The following TAFA4 variants were observed in gnomAD, a reference collection of about 807,000 sequenced individuals.
TAFA4 encodes the protein chemokine-like protein TAFA-4.
TAFA4 carries 20 observed loss-of-function variants against 21.1 expected under a neutral mutation model. The ratio of observed to expected loss-of-function variants is 0.95; its 90% confidence interval spans 0.67 to 1.38. TAFA4 has a LOEUF of 1.38. TAFA4 is among the 40% of genes most tolerant of loss of function. TAFA4 has a pLI of 0.00. For synonymous variants in TAFA4, 71 were observed against 67.4 expected, an observed-to-expected ratio of 1.05 and a Z score of -0.26; for missense variants, 211 against 180.9, an observed-to-expected ratio of 1.17 and a Z score of -0.95.
At chr3:68,790,950 C>T (rs561345126) in intron 3 of TAFA4, among the ~76,000 whole-genome samples, 4 of 152,188 alleles carry the variant, frequency 2.6e-5, no homozygotes, top group South Asian at 2.1e-4. Context: ...ATAAGGCAAA[C>T]GTGGATGGAT....
intron 5 of TAFA4, among the ~76,000 whole-genome samples, chr3:68,734,739 C>T (rs1056574159): frequency 1.3e-5 from 2 of 152,008 alleles, no homozygotes; most frequent in African/African-American, 4.8e-5. Flanking sequence ...AGTACCTGCC[C>T]CCGTCAAAGA....
chr3:68,764,575 CTG>C (rs1702813339), intron 3 of TAFA4, among the ~76,000 whole-genome samples: 1 of 152,162 alleles, frequency 6.6e-6, no homozygotes, highest in African/African-American at 2.4e-5. Flanking sequence ...GAGTCTCTCT[CTG>C]TGTGCTTATA....
intron 4 of TAFA4, among the ~76,000 whole-genome samples, chr3:68,741,198 G>T (rs1329958142): frequency 2.0e-5 from 3 of 152,252 alleles, no homozygotes; most frequent in South Asian, 4.1e-4. Flanking sequence ...CTGGAATTTT[G>T]TTAGGGATTG....
Position 68,731,959 on chromosome 3 carries a change from T to C in TAFA4, c.*1183A>G, listed in dbSNP as rs1291817517. 2 of 152,230 alleles carry C rather than the reference T, an allele frequency of 1.3e-5. No individual in the cohort carries two copies. Among genetic ancestry groups the C allele is most frequent in the Non-Finnish European group, 2.9e-5 (2 of 68,030 alleles). The allele number at this position is 152,230 out of a possible 1,614,324, so 9.4% of individuals were successfully genotyped here. A position where few individuals can be genotyped will look rare whatever the true frequency, so the allele number is the denominator to read the frequency against. ...GAAAGGACAGGGATAATTAACTTGGTGCAGAAACTATGTTTTTGGCATTTC... is the reference window on the plus strand; with the variant it reads ...GAAAGGACAGGGATAATTAACTTGGCGCAGAAACTATGTTTTTGGCATTTC... On this transcript the variant is annotated 3_prime_UTR_variant, in exon 6 of 6. Coordinates refer to ENST00000295569, the MANE Select transcript of TAFA4 (RefSeq NM_182522.5).
chr3:68,869,852 T>C (rs2089463343), intron 3 of TAFA4, among the ~76,000 whole-genome samples: 1 of 152,058 alleles, frequency 6.6e-6, no homozygotes, highest in African/African-American at 2.4e-5. Flanking sequence ...TTTGAAGTTC[T>C]AGCCACAGCA....
chr3:68,759,937 T>TACAGCATA (rs1323039244), intron 3 of TAFA4, among the ~76,000 whole-genome samples: 2 of 152,210 alleles, frequency 1.3e-5, no homozygotes, highest in Non-Finnish European at 2.9e-5. Context: ...AACTCTTACG[T>TACAGCATA]ACAGCATACT....
intron 3 of TAFA4, among the ~76,000 whole-genome samples, chr3:68,815,936 C>T (rs1703964772): frequency 6.6e-6 from 1 of 152,108 alleles, no homozygotes; most frequent in Non-Finnish European, 1.5e-5. Context: ...CAATGATAGA[C>T]TGGATTAAGA....
intron 1 of TAFA4, among the ~76,000 whole-genome samples, chr3:68,886,071 A>G (rs1033249208): frequency 6.6e-6 from 1 of 152,214 alleles, no homozygotes; most frequent in Non-Finnish European, 1.5e-5. Flanking sequence ...AAAAATTATG[A>G]TATGTGTTAA....
At chr3:68,862,313 G>A (rs1262904369) in intron 3 of TAFA4, among the ~76,000 whole-genome samples, 2 of 152,066 alleles carry the variant, frequency 1.3e-5, no homozygotes, top group Non-Finnish European at 2.9e-5. Flanking sequence ...AAATTCATAG[G>A]ACTGAAAAGG....
intron 4 of TAFA4, among the ~76,000 whole-genome samples, chr3:68,751,524 G>A (rs1702556555): frequency 6.6e-6 from 1 of 152,152 alleles, no homozygotes; most frequent in Non-Finnish European, 1.5e-5. Context: ...TCCCCAGCTG[G>A]AGATATACAG....
intron 3 of TAFA4, among the ~76,000 whole-genome samples, chr3:68,856,116 G>A (rs1185555319): frequency 6.6e-6 from 1 of 152,058 alleles, no homozygotes; most frequent in East Asian, 1.9e-4. Context: ...AGACTCCGTG[G>A]TGTAAGGAAA....
intron 3 of TAFA4, among the ~76,000 whole-genome samples, chr3:68,813,435 G>C (rs952729547): frequency 7.9e-5 from 12 of 151,992 alleles, no homozygotes; most frequent in Admixed American, 6.6e-4. Flanking sequence ...GACTAATAAA[G>C]AAGAAAAGAG....
chr3:68,752,143 G>T (rs1326581990), intron 4 of TAFA4, among the ~76,000 whole-genome samples: 1 of 152,176 alleles, frequency 6.6e-6, no homozygotes, highest in Admixed American at 6.5e-5. Context: ...AAATGAGACA[G>T]GAAATGTTCA....
intron 3 of TAFA4, among the ~76,000 whole-genome samples, chr3:68,840,778 A>G (rs1398864015): frequency 1.3e-5 from 2 of 152,198 alleles, no homozygotes; most frequent in Non-Finnish European, 2.9e-5. Flanking sequence ...GGGAACACTT[A>G]GTGATTTGTC....
rs1409452902 is a variant in TAFA4 at position 68,854,736 on chromosome 3, T to A, written c.130+25994A>T. On this transcript the variant is annotated intron_variant, in intron 3 of 5. Coordinates refer to ENST00000295569, the MANE Select transcript of TAFA4 (RefSeq NM_182522.5). The stretch of plus-strand genomic sequence containing the variant: ...TGGTTGTGTATTTTATTAGTTTTTT[T>A]AATTTGTTTGTTTCTTTACCTAACC... 4.6e-5 allele frequency among the ~76,000 whole-genome samples: 7 copies of A among 152,250 alleles called. No homozygotes were observed. The East Asian group carries it at 5.8e-4, about 13-fold the overall frequency.
At position 68,788,780 on chromosome 3, in the gene TAFA4, T is replaced by TTTTTA. The variant is rs139045193; in HGVS notation, c.131-35767_131-35763dup. Among the ~76,000 whole-genome samples, 7 of 151,864 alleles carry TTTTTA rather than the reference T, an allele frequency of 4.6e-5. No homozygotes were observed. The East Asian group carries it at 5.8e-4, about 13-fold the overall frequency. On this transcript the variant is annotated intron_variant, in intron 3 of 5. Coordinates refer to ENST00000295569, the MANE Select transcript of TAFA4 (RefSeq NM_182522.5). Reference sequence around the variant, plus strand: ...GCACACGCCACCATACCTGGCTAAATTTTTATTTTATTTTATTTTATTTTT... The same window carrying TTTTTA: ...GCACACGCCACCATACCTGGCTAAATTTTTATTTTATTTTATTTTATTTTATTTTT...
At chr3:68,905,213 T>C (rs2089887671) in intron 1 of TAFA4, among the ~76,000 whole-genome samples, 1 of 133,212 alleles carries the variant, frequency 7.5e-6, no homozygotes, top group Non-Finnish European at 1.5e-5. Flanking sequence ...AGAGTGCAAG[T>C]GGTGCGATCT....
chr3:68,794,293 G>A (rs1267267442), intron 3 of TAFA4, among the ~76,000 whole-genome samples: 2 of 152,062 alleles, frequency 1.3e-5, no homozygotes, highest in African/African-American at 4.8e-5. Context: ...TTAACATGGG[G>A]AGGTTTGTTT....
intron 3 of TAFA4, among the ~76,000 whole-genome samples, chr3:68,849,099 A>C (rs1704881494): frequency 6.6e-6 from 1 of 152,194 alleles, no homozygotes; most frequent in Non-Finnish European, 1.5e-5. Flanking sequence ...TTTCCATGAT[A>C]TATTTTTCTT....
Sources: gnomAD v4.1 joint callset for allele counts (sites outside exome capture counted in the v4.1 genomes callset) on GRCh38, gnomAD v4.1.1 for gene constraint, MANE v1.5 for transcripts, NCBI Gene and HGNC (gene_info 2026-07-23, HGNC 2026-07-21) for gene names.